Variants in MDN1 observed in about 807,000 individuals in gnomAD.
The protein encoded by MDN1 is midasin.
A neutral mutation model predicts 669.2 loss-of-function variants in MDN1; 266 were observed. The observed-to-expected ratio is 0.40, with a 90% CI of 0.36 to 0.44. MDN1 has a LOEUF of 0.44. Among genes scored for constraint, MDN1 ranks in the 20% least tolerant of loss-of-function variants. MDN1 has a pLI of 1.00. For missense variants in MDN1, 5,940 were observed against 6,754.0 expected (o/e 0.88, Z 4.22); for synonymous variants, 2,385 against 2,457.1 (o/e 0.97, Z 0.87).
intron 34 of MDN1, among the ~76,000 whole-genome samples, chr6:89,732,067 A>T (rs964601330): frequency 6.6e-6 from 1 of 152,120 alleles, no homozygotes; most frequent in Non-Finnish European, 1.5e-5. Context: ...AGAAAAATAC[A>T]AAAACAAAAC....
At position 89,701,544 on chromosome 6, in the gene MDN1, G is replaced by A. The variant is rs1261117401; in HGVS notation, c.8427+14C>T. Reference sequence around the variant, plus strand: ...GTCACATTTCTTTTATTTACTAAATGCTTCCAGGTGTACCTTAAAAGGAAA... The same window carrying A: ...GTCACATTTCTTTTATTTACTAAATACTTCCAGGTGTACCTTAAAAGGAAA... On this transcript the variant is annotated intron_variant, in intron 55 of 101. Transcript: ENST00000369393. 3.1e-6 allele frequency: 5 copies of A among 1,611,584 alleles called. No homozygotes were observed. The highest frequency in any genetic ancestry group is 4.2e-6 in the Non-Finnish European group (5 of 1,179,434).
intron 15 of MDN1, among the ~76,000 whole-genome samples, chr6:89,769,449 G>A (rs1817975429): frequency 6.6e-6 from 1 of 152,154 alleles, no homozygotes; most frequent in South Asian, 2.1e-4. Context: ...CAACACTTCA[G>A]GAGGCTGAAG....
At position 89,770,200 on chromosome 6, in the gene MDN1, T is replaced by C. The variant is rs141059381; in HGVS notation, c.2144+1361A>G. ...GTAGGTGGATCACAAGGTCAAGAGA[T>C]GGAGACCATCCTGGCAAACATGGTA... On this transcript the variant is annotated intron_variant, in intron 15 of 101. Transcript: ENST00000369393. 3.1e-3 allele frequency among the ~76,000 whole-genome samples: 479 copies of C among 152,130 alleles called. 2 individuals are homozygous for C. The highest frequency in any genetic ancestry group is 0.011 in the African/African-American group (458 of 41,508).
chr6:89,730,674 G>A, intron 35 of MDN1, 52 bp downstream of exon 35: 1 of 1,444,402 alleles, frequency 6.9e-7, no homozygotes, highest in Non-Finnish European at 9.5e-7. Context: ...TAAAAGCCAA[G>A]TATCTATGAT....
chr6:89,729,650 C>G (rs370812954), intron 35 of MDN1, among the ~76,000 whole-genome samples: 8 of 136,108 alleles, frequency 5.9e-5, no homozygotes, highest in Admixed American at 3.7e-4. Flanking sequence ...GCCACTGTCT[C>G]TTGGAAGAAG....
In MDN1 at chr6:89,794,669, C is replaced by T. The variant is rs746973085; in HGVS notation, c.462G>A (p.Lys154=). Residue 154 remains lysine, a synonymous_variant, in exon 3 of 102, where the codon AAG becomes AAA. Transcript: ENST00000369393. ...ACACAGACTGCTCCTGCTGCAGAAA[C>T]TTGAAGGCTGCTTCCATTAGGTCCC... ...KLRDLMEAAF[K]FLQQEQSVFR... is the part of the protein sequence containing the mutation. The T allele has an allele frequency of 2.5e-6, 4 of 1,614,098 alleles. No individual in the cohort carries two copies. The highest frequency in any genetic ancestry group is 2.7e-5 in the African/African-American group (2 of 74,942).
intron 15 of MDN1, among the ~76,000 whole-genome samples, chr6:89,768,825 G>C (rs1008366773): frequency 2.6e-5 from 4 of 152,178 alleles, no homozygotes; most frequent in African/African-American, 9.7e-5. Flanking sequence ...GGAGGCCCAG[G>C]CGGGAAGATT....
intron 67 of MDN1, 91 bp from the exon 68 acceptor site, chr6:89,687,529 A>G: frequency 9.3e-7 from 1 of 1,076,260 alleles, no homozygotes; most frequent in South Asian, 1.4e-5. Flanking sequence ...TGCTTGAGTG[A>G]AGACTACTGG....
intron 69 of MDN1, 70 bp downstream of exon 69, chr6:89,686,832 C>T: frequency 6.3e-7 from 1 of 1,577,722 alleles, no homozygotes; most frequent in Non-Finnish European, 8.6e-7. Context: ...GCAGGAAAAT[C>T]CTACACTTTG....
At chr6:89,810,974 G>T (rs1339535514) in intron 1 of MDN1, among the ~76,000 whole-genome samples, 1 of 152,132 alleles carries the variant, frequency 6.6e-6, no homozygotes, top group African/African-American at 2.4e-5. Flanking sequence ...GGGCGAAAGA[G>T]AAACAGTCAT....
chr6:89,788,386 G>A (rs1399750998), intron 7 of MDN1, among the ~76,000 whole-genome samples: 2 of 152,208 alleles, frequency 1.3e-5, no homozygotes, highest in African/African-American at 2.4e-5. Context: ...AGTGACATTT[G>A]CTAAACCTTA....
intron 74 of MDN1, 118 bp from the exon 75 acceptor site, chr6:89,678,863 C>T (rs1415041988): frequency 9.6e-7 from 1 of 1,045,632 alleles, no homozygotes; most frequent in Non-Finnish European, 1.4e-6. Flanking sequence ...TATCATTCAT[C>T]TTTATACCCT....
intron 61 of MDN1, among the ~76,000 whole-genome samples, chr6:89,694,809 C>A (rs1812621846): frequency 1.3e-5 from 2 of 151,810 alleles, no homozygotes; most frequent in Admixed American, 1.3e-4. Context: ...CACTTCAGCC[C>A]CTCAAAGTGC....
chr6:89,750,538 A>C lies in MDN1; in HGVS notation c.3228-6T>G. 1 of 1,596,944 alleles carries C rather than the reference A, an allele frequency of 6.3e-7. No homozygotes were observed. Among genetic ancestry groups the C allele is most frequent in the Non-Finnish European group, 8.6e-7 (1 of 1,167,152 alleles). On this transcript the variant is annotated splice_region_variant and splice_polypyrimidine_tract_variant and intron_variant, in intron 23 of 101. Coordinates refer to ENST00000369393, the MANE Select transcript of MDN1 (RefSeq NM_014611.3). ...GAATCAGCACTGGATAGGTTCTGTAAAAGATTAGCCAATTAAGCAACTTAA... is the reference window on the plus strand; with the variant it reads ...GAATCAGCACTGGATAGGTTCTGTACAAGATTAGCCAATTAAGCAACTTAA...
chr6:89,710,883 A>G, intron 49 of MDN1, 89 bp from the exon 50 acceptor site: 2 of 734,852 alleles, frequency 2.7e-6, no homozygotes, highest in Non-Finnish European at 4.5e-6. Flanking sequence ...CTACAGCTGC[A>G]TAGAATAACC....
chr6:89,812,583 G>A lies in MDN1; in HGVS notation c.102+6923C>T, dbSNP rs1390574052. On this transcript the variant is annotated intron_variant, in intron 1 of 101. Coordinates refer to ENST00000369393, the MANE Select transcript of MDN1 (RefSeq NM_014611.3). ...TTGAGTTTTTACTGTTTTGAGTAAT[G>A]AAATTACTACACTGTCATATTCAAC... is the stretch of plus-strand genomic sequence containing the variant. Among the ~76,000 whole-genome samples the A allele has an allele frequency of 2.0e-5, 3 of 152,028 alleles. No individual in the cohort carries two copies. The East Asian group carries it at 5.8e-4, about 29-fold the overall frequency.
chr6:89,645,074 C>G lies in MDN1; in HGVS notation c.16543G>C (p.Ala5515Pro), dbSNP rs1416345149. Residue 5515 changes from alanine (A) to proline (P), a missense_variant, in exon 101 of 102, where the codon GCT becomes CCT. Coordinates refer to ENST00000369393, the MANE Select transcript of MDN1 (RefSeq NM_014611.3). ...GKERVLAAVQ[A>P]ARNANIFVIF... ...ACAAAGATATTTGCATTCCGGGCAG[C>G]CTGAACTGCTGCCAGGACTCTTTCT... 1.2e-6 allele frequency: 2 copies of G among 1,611,742 alleles called. No individual in the cohort carries two copies. Among genetic ancestry groups the G allele is most frequent in the Non-Finnish European group, 1.7e-6 (2 of 1,177,980 alleles).
At chr6:89,702,863 T>C (rs1373533000) in intron 53 of MDN1, among the ~76,000 whole-genome samples, 1 of 152,110 alleles carries the variant, frequency 6.6e-6, no homozygotes, top group African/African-American at 2.4e-5. Flanking sequence ...AGCCAGCTCA[T>C]AGTGTCAGTT....
intron 2 of MDN1, 102 bp downstream of exon 2, chr6:89,803,226 G>GT (rs2128329184): frequency 7.3e-6 from 7 of 958,570 alleles, no homozygotes; most frequent in Non-Finnish European, 1.2e-5. Context: ...TCTCCTTTCT[G>GT]TATTTCCGTT....
Sources: gnomAD v4.1 joint callset for allele counts (sites outside exome capture counted in the v4.1 genomes callset) on GRCh38, gnomAD v4.1.1 for gene constraint, MANE v1.5 for transcripts, NCBI Gene and HGNC (gene_info 2026-07-23, HGNC 2026-07-21) for gene names.